Variants in LDLRAD4 observed in about 807,000 individuals in gnomAD.
LDLRAD4 encodes low-density lipoprotein receptor class A domain-containing protein 4.
LDLRAD4 carries 5 observed loss-of-function variants against 17.0 expected under a neutral mutation model. The observed-to-expected ratio is 0.29, with a 90% CI of 0.15 to 0.62. LDLRAD4 has a LOEUF of 0.62. LDLRAD4 is among the 20% of genes least tolerant of loss of function. The pLI, the probability that LDLRAD4 is intolerant of heterozygous loss-of-function variation, is 0.84. For synonymous variants in LDLRAD4, 168 were observed against 171.8 expected (o/e 0.98, Z 0.17); for missense variants, 340 against 424.7 (o/e 0.80, Z 1.75).
At chr18:13,386,952 ATGGATG>A (rs1568083115) in intron 1 of LDLRAD4, among the ~76,000 whole-genome samples, 55 of 120,780 alleles carry the variant, frequency 4.6e-4, no homozygotes, top group East Asian at 3.2e-3. Context: ...AGATAGATGG[ATGGATG>A]GATAGATAAG....
intron 1 of LDLRAD4, among the ~76,000 whole-genome samples, chr18:13,301,163 G>A (rs1378058605): frequency 6.6e-6 from 1 of 152,190 alleles, no homozygotes; most frequent in Admixed American, 6.5e-5. Context: ...GTCCTATCTT[G>A]GAGAGCCTCA....
At chr18:13,285,531 G>A (rs1001424477) in intron 1 of LDLRAD4, among the ~76,000 whole-genome samples, 1 of 152,200 alleles carries the variant, frequency 6.6e-6, no homozygotes, top group African/African-American at 2.4e-5. Flanking sequence ...ATATTTTAAA[G>A]TTGGCGTGCT....
chr18:13,231,029 A>G (rs1306553477), intron 1 of LDLRAD4, among the ~76,000 whole-genome samples: 1 of 152,218 alleles, frequency 6.6e-6, no homozygotes, highest in Admixed American at 6.5e-5. Context: ...ACATGCATTT[A>G]TAAGAATGGA....
intron 1 of LDLRAD4, among the ~76,000 whole-genome samples, chr18:13,292,452 A>G (rs973300583): frequency 6.6e-6 from 1 of 152,224 alleles, no homozygotes; most frequent in Non-Finnish European, 1.5e-5. Flanking sequence ...AACATTCTAG[A>G]CATTCTCCCA....
intron 1 of LDLRAD4, among the ~76,000 whole-genome samples, chr18:13,269,065 G>GT (rs1375381651): frequency 1.3e-5 from 2 of 152,224 alleles, no homozygotes; most frequent in African/African-American, 4.8e-5. Flanking sequence ...ATGGAAACCA[G>GT]TAAATCAGTT....
At chr18:13,479,748 A>G (rs2093037472) in intron 3 of LDLRAD4, among the ~76,000 whole-genome samples, 1 of 152,248 alleles carries the variant, frequency 6.6e-6, no homozygotes, top group Non-Finnish European at 1.5e-5. Context: ...AAAGAAAAAA[A>G]CCTGATTAAA....
At chr18:13,268,373 CT>C (rs929565502) in intron 1 of LDLRAD4, among the ~76,000 whole-genome samples, 4 of 152,166 alleles carry the variant, frequency 2.6e-5, no homozygotes. Flanking sequence ...GCTTCTTGGT[CT>C]TTATATGCAC....
chr18:13,310,155 C>T (rs115811006), intron 1 of LDLRAD4, among the ~76,000 whole-genome samples: 1,454 of 145,132 alleles, frequency 0.01, 23 homozygotes, highest in African/African-American at 0.035. Context: ...GGTCAGCCTG[C>T]GCAACATAGT....
chr18:13,360,689 A>G (rs2083611458), intron 1 of LDLRAD4, among the ~76,000 whole-genome samples: 1 of 152,256 alleles, frequency 6.6e-6, no homozygotes, highest in Admixed American at 6.5e-5. Flanking sequence ...AATCTCTGGT[A>G]TCATTTTTCA....
At chr18:13,650,523 TCAG>T (rs2043202559) in exon 6 of LDLRAD4, 1 of 397,186 alleles carries the variant, frequency 2.5e-6, no homozygotes, top group East Asian at 3.6e-5. Flanking sequence ...TGTTCTGAGT[TCAG>T]CAGATATAGG....
chr18:13,523,454 G>A (rs1297040883), intron 3 of LDLRAD4, among the ~76,000 whole-genome samples: 2 of 152,168 alleles, frequency 1.3e-5, no homozygotes, highest in Non-Finnish European at 2.9e-5. Context: ...TTCTGCTGAC[G>A]GTACAGGCGA....
chr18:13,470,759 C>G (rs541765564), intron 3 of LDLRAD4: 1 of 151,866 alleles, frequency 6.6e-6, no homozygotes, highest in South Asian at 2.1e-4. Flanking sequence ...TTCCCCAGAT[C>G]CCAGCCACCC....
chr18:13,407,261 C>G (rs1446374062), intron 2 of LDLRAD4, among the ~76,000 whole-genome samples: 3 of 152,164 alleles, frequency 2.0e-5, no homozygotes, highest in African/African-American at 4.8e-5. Context: ...CAGAGCTTCT[C>G]TCATCTCATT....
At chr18:13,325,304 T>C (rs1377366923) in intron 1 of LDLRAD4, among the ~76,000 whole-genome samples, 1 of 152,238 alleles carries the variant, frequency 6.6e-6, no homozygotes, top group East Asian at 1.9e-4. Context: ...TATGGACTTC[T>C]CAGGGAGGCC....
At chr18:13,585,204 T>C (rs770816671) in intron 3 of LDLRAD4, among the ~76,000 whole-genome samples, 1 of 152,216 alleles carries the variant, frequency 6.6e-6, no homozygotes. Flanking sequence ...ATACATCAGC[T>C]TTGCTGGGGA....
rs199600839 is a variant in LDLRAD4, at chr18:13,645,004, T to G, written c.391-123T>G. On this transcript the variant is annotated intron_variant, in intron 5 of 5. Transcript: ENST00000359446. The surrounding 1 kb of genome is among the most constrained non-coding windows in gnomAD (Gnocchi z 5.7). Reference sequence around the variant, plus strand: ...GATTTTCCTGTTTTCTTTTTTTTTTTCCTGGGAGATGGTGTTCAAACTGGT... The same window carrying G: ...GATTTTCCTGTTTTCTTTTTTTTTTGCCTGGGAGATGGTGTTCAAACTGGT... The G allele has an allele frequency of 1.4e-6, 1 of 730,282 alleles. No individual in the cohort carries two copies. Among genetic ancestry groups the G allele is most frequent in the Non-Finnish European group, 2.2e-6 (1 of 454,572 alleles). The allele number at this position is 730,282 out of a possible 1,614,324, so 45.2% of individuals were successfully genotyped here.
intron 1 of LDLRAD4, among the ~76,000 whole-genome samples, chr18:13,287,792 A>C (rs1284388652): frequency 6.6e-6 from 1 of 152,236 alleles, no homozygotes; most frequent in East Asian, 1.9e-4. Flanking sequence ...CAAGTAATTA[A>C]TATAAGCTTC....
At chr18:13,642,785 C>G in intron 4 of LDLRAD4, 1 of 1,210,620 alleles carries the variant, frequency 8.3e-7, no homozygotes, top group Non-Finnish European at 1.0e-6. Flanking sequence ...TATTCCACTT[C>G]AAATCTAATC....
At chr18:13,377,791 A>G (rs573082897) in intron 1 of LDLRAD4, among the ~76,000 whole-genome samples, 18 of 152,306 alleles carry the variant, frequency 1.2e-4, no homozygotes, top group African/African-American at 4.1e-4. Flanking sequence ...AGTTGCATGG[A>G]GCAATAGGCA....
Sources: allele counts gnomAD v4.1 joint callset (sites outside exome capture counted in the v4.1 genomes callset), GRCh38; gene constraint gnomAD v4.1.1; non-coding constraint Gnocchi (gnomAD v3.1); transcripts MANE v1.5; gene names NCBI Gene and HGNC (gene_info 2026-07-23, HGNC 2026-07-21).